LY96: variants seen among roughly 807,000 people sequenced by gnomAD.
LY96 encodes the protein lymphocyte antigen 96.
In LY96, 18 loss-of-function variants were observed where a neutral mutation model predicts 18.9. That is an observed-to-expected ratio of 0.95 (90% confidence interval 0.66 to 1.41). LY96 has a LOEUF of 1.41. Ranked by LOEUF, LY96 falls within the 40% of genes most tolerant of loss-of-function variation. The pLI is 0.00. For synonymous variants in LY96, 66 were observed against 62.6 expected, an observed-to-expected ratio of 1.06 and a Z score of -0.26; for missense variants, 175 against 182.4, an observed-to-expected ratio of 0.96 and a Z score of 0.23.
At chr8:74,068,081 A>ATATATATAT in the LY96 span, among the ~76,000 whole-genome samples, 3 of 95,362 alleles carry the variant, frequency 3.1e-5, no homozygotes, top group African/African-American at 1.4e-4. Flanking sequence ...AAAAAAAAAA[A>ATATATATAT]AAAAAAAAAT....
At chr8:74,056,304 G>A in the LY96 span, 8 of 296,852 alleles carry the variant, frequency 2.7e-5, no homozygotes, top group African/African-American at 1.2e-4. Context: ...GCCAGCAATC[G>A]GTTTGCATTT....
chr8:74,040,160 A>G, the LY96 span, among the ~76,000 whole-genome samples: 1 of 152,378 alleles, frequency 6.6e-6, no homozygotes, highest in East Asian at 1.9e-4. Context: ...TAGTAATGCA[A>G]CGAAGAGTAA....
chr8:74,066,725 G>A, the LY96 span, among the ~76,000 whole-genome samples: 7,101 of 152,216 alleles, frequency 0.047, 419 homozygotes, highest in African/African-American at 0.13. Context: ...TGGAGGCAGG[G>A]TGGACCCAAG....
At chr8:74,004,920 A>G (rs1292869698) in intron 2 of LY96, 35 bp downstream of exon 2, 2 of 1,561,468 alleles carry the variant, frequency 1.3e-6, no homozygotes, top group Non-Finnish European at 1.8e-6. Context: ...AGACCAATCA[A>G]AGGAGTTAAG....
the LY96 span, among the ~76,000 whole-genome samples, chr8:74,062,446 C>T: frequency 6.6e-6 from 1 of 151,454 alleles, no homozygotes; most frequent in Non-Finnish European, 1.5e-5. Context: ...CTCCCTGTGT[C>T]CACGTGTTCT....
the LY96 span, among the ~76,000 whole-genome samples, chr8:74,091,948 G>A: frequency 6.6e-6 from 1 of 152,124 alleles, no homozygotes; most frequent in Non-Finnish European, 1.5e-5. Context: ...ATCATGCTGG[G>A]TGCTGGGGAA....
Position 74,002,062 on chromosome 8 carries a change from C to CTTTCTTTCTTT in LY96, c.113-2734_113-2733insTTTCTTTCTTT, listed in dbSNP as rs1563710783. Reference sequence around the variant, plus strand: ...TCCTTCCTTCCTTCCTTCCTTCCTTCCTTCCTTCCTTCCTTTCTTTCTTTC... The same window carrying CTTTCTTTCTTT: ...TCCTTCCTTCCTTCCTTCCTTCCTTCTTTCTTTCTTTCTTCCTTCCTTCCTTTCTTTCTTTC... On this transcript the variant is annotated intron_variant, in intron 1 of 4. Coordinates refer to ENST00000284818, the MANE Select transcript of LY96 (RefSeq NM_015364.5). 1.3e-3 allele frequency among the ~76,000 whole-genome samples: 37 copies of CTTTCTTTCTTT among 29,316 alleles called. 5 individuals are homozygous for CTTTCTTTCTTT. The Middle Eastern group carries it at 0.045, about 36-fold the overall frequency. The allele number at this position is 29,316 out of a possible 152,430, so 19.2% of individuals were successfully genotyped here. A position where few individuals can be genotyped will look rare whatever the true frequency, so the allele number is the denominator to read the frequency against.
At chr8:74,054,000 T>C in the LY96 span, among the ~76,000 whole-genome samples, 6 of 152,210 alleles carry the variant, frequency 3.9e-5, no homozygotes, top group African/African-American at 7.2e-5. Context: ...GACTTTGGAC[T>C]CTCCAGAATT....
At chr8:74,006,408 G>C (rs1375232957) in intron 2 of LY96, among the ~76,000 whole-genome samples, 2 of 152,160 alleles carry the variant, frequency 1.3e-5, no homozygotes, top group Admixed American at 1.3e-4. Context: ...ATGCTGACCA[G>C]GCTGGTCTTG....
intron 1 of LY96, among the ~76,000 whole-genome samples, chr8:73,997,048 A>G (rs1047708673): frequency 4.0e-5 from 6 of 151,856 alleles, no homozygotes; most frequent in Non-Finnish European, 5.9e-5. Context: ...CCTGGTCTGT[A>G]TTTTTTTAGT....
Position 74,019,612 on chromosome 8 carries a change from A to G in LY96, c.332-7177A>G, listed in dbSNP as rs536255600. ...TGATACCAAAGCCTGGCAGAGACAC[A>G]ACAAAAAAAGAGAATTTTAGACCAA... is the stretch of plus-strand genomic sequence containing the variant. On this transcript the variant is annotated intron_variant, in intron 3 of 4. Coordinates refer to ENST00000284818, the MANE Select transcript of LY96 (RefSeq NM_015364.5). Among the ~76,000 whole-genome samples the G allele has an allele frequency of 5.9e-5, 9 of 152,282 alleles. No individual in the cohort carries two copies. The South Asian group carries it at 6.3e-4, about 11-fold the overall frequency.
the LY96 span, among the ~76,000 whole-genome samples, chr8:74,045,646 G>C: frequency 2.0e-5 from 3 of 152,294 alleles, no homozygotes; most frequent in African/African-American, 4.8e-5. Context: ...ACCATGAATA[G>C]TGCAGTCCCC....
chr8:74,056,737 A>ACTGG, the LY96 span: 1 of 152,394 alleles, frequency 6.6e-6, no homozygotes, highest in African/African-American at 2.4e-5. Flanking sequence ...TAAAGGTAAC[A>ACTGG]CTGGCTGGCA....
intron 3 of LY96, among the ~76,000 whole-genome samples, chr8:74,018,910 A>C (rs1414650041): frequency 1.3e-5 from 2 of 152,246 alleles, no homozygotes; most frequent in Non-Finnish European, 2.9e-5. Flanking sequence ...AATCTCTGGG[A>C]CACATTTAAA....
At chr8:74,032,099 T>G (rs1445771484), downstream of LY96, among the ~76,000 whole-genome samples, 1 of 152,108 alleles carries the variant, frequency 6.6e-6, no homozygotes, top group Non-Finnish European at 1.5e-5. Context: ...CACTCCAGTG[T>G]GGGTGGCAGA....
chr8:73,995,867 C>T (rs1005152090), intron 1 of LY96, among the ~76,000 whole-genome samples: 1 of 152,088 alleles, frequency 6.6e-6, no homozygotes, highest in Non-Finnish European at 1.5e-5. Flanking sequence ...GACAAAAGTC[C>T]CTGCCCTTAT....
chr8:74,049,649 A>T, the LY96 span, among the ~76,000 whole-genome samples: 1 of 152,204 alleles, frequency 6.6e-6, no homozygotes, highest in Non-Finnish European at 1.5e-5. Flanking sequence ...TGAAATAGAT[A>T]CTTGAATTAG....
At chr8:73,992,502 T>C (rs1816023964) in intron 1 of LY96, among the ~76,000 whole-genome samples, 1 of 152,226 alleles carries the variant, frequency 6.6e-6, no homozygotes, top group African/African-American at 2.4e-5. Flanking sequence ...AACCACATTT[T>C]CAATTTCATT....
chr8:74,081,050 T>TC, the LY96 span, among the ~76,000 whole-genome samples: 3 of 110,056 alleles, frequency 2.7e-5, no homozygotes, highest in Admixed American at 9.7e-5. Context: ...TTCTTTCTTT[T>TC]TCTTTCTTTC....
Sources: gnomAD v4.1 joint callset for allele counts (sites outside exome capture counted in the v4.1 genomes callset) on GRCh38, gnomAD v4.1.1 for gene constraint, MANE v1.5 for transcripts, NCBI Gene and HGNC (gene_info 2026-07-23, HGNC 2026-07-21) for gene names.